The following LRMDA variants were observed in gnomAD, a reference collection of about 807,000 sequenced individuals.
LRMDA encodes leucine rich melanocyte differentiation associated.
In LRMDA, 18 loss-of-function variants were observed where a neutral mutation model predicts 29.8. The observed-to-expected ratio is 0.60, with a 90% CI of 0.42 to 0.90. The LOEUF (loss-of-function observed/expected upper bound fraction) is 0.90, where lower values mean the gene tolerates loss of function less well. Ranked by LOEUF, LRMDA falls within the 40% of genes least tolerant of loss-of-function variation. The pLI is 0.00. For synonymous variants in LRMDA, 125 were observed against 109.4 expected (o/e 1.14, Z -0.89); for missense variants, 273 against 273.9 (o/e 1.00, Z 0.02).
chr10:76,288,407 A>C (rs536523694), intron 5 of LRMDA, among the ~76,000 whole-genome samples: 16 of 152,324 alleles, frequency 1.1e-4, no homozygotes, highest in Admixed American at 1.0e-3. Context: ...TCAACAGTAG[A>C]CTGGATAAAG....
At chr10:76,100,360 G>A (rs1849376791) in intron 5 of LRMDA, among the ~76,000 whole-genome samples, 1 of 152,174 alleles carries the variant, frequency 6.6e-6, no homozygotes, top group Non-Finnish European at 1.5e-5. Flanking sequence ...AGGGGTTCCT[G>A]CTAACAGGCC....
intron 5 of LRMDA, among the ~76,000 whole-genome samples, chr10:76,065,583 A>G (rs1195380952): frequency 6.6e-6 from 1 of 152,220 alleles, no homozygotes. Flanking sequence ...AGATGCTTAG[A>G]TGGATGTATC....
rs199666457 is a variant in LRMDA at position 76,135,771 on chromosome 10, C to CTT, written c.516+77001_516+77002dup. ...CTGTCCTTGTGTTCAAATTTTCTTT[C>CTT]TTTTTTTTTTTTTTAAGGACATCAG... On this transcript the variant is annotated intron_variant, in intron 5 of 6. Coordinates refer to ENST00000611255, the MANE Select transcript of LRMDA (RefSeq NM_001305581.2). Among the ~76,000 whole-genome samples the CTT allele has an allele frequency of 4.0e-3, 562 of 141,784 alleles. 8 individuals carry two copies. Among genetic ancestry groups the CTT allele is most frequent in the East Asian group, 0.027 (130 of 4,816 alleles). 93.0% of individuals were successfully genotyped at this position (141,784 alleles called of 152,430 possible).
intron 2 of LRMDA, among the ~76,000 whole-genome samples, chr10:75,461,354 G>T (rs549331690): frequency 1.3e-5 from 2 of 152,130 alleles, no homozygotes; most frequent in African/African-American, 4.8e-5. Flanking sequence ...TATAGAGAGG[G>T]CTCCTCTTTA....
At chr10:76,308,510 C>T (rs1840588569) in intron 5 of LRMDA, among the ~76,000 whole-genome samples, 1 of 152,050 alleles carries the variant, frequency 6.6e-6, no homozygotes, top group Non-Finnish European at 1.5e-5. Flanking sequence ...CTGCAGTTAC[C>T]CAGTGACTGG....
chr10:75,699,026 C>G (rs1480811280), intron 2 of LRMDA, among the ~76,000 whole-genome samples: 1 of 152,018 alleles, frequency 6.6e-6, no homozygotes, highest in Non-Finnish European at 1.5e-5. Flanking sequence ...CATAGTGAAA[C>G]TCCATCTCTA....
chr10:75,959,083 A>C (rs1049668326), intron 2 of LRMDA, among the ~76,000 whole-genome samples: 2 of 152,172 alleles, frequency 1.3e-5, no homozygotes, highest in African/African-American at 4.8e-5. Flanking sequence ...ACACAGCCAA[A>C]CCATATCAGA....
intron 3 of LRMDA, among the ~76,000 whole-genome samples, chr10:76,038,367 C>T (rs571355142): frequency 6.6e-6 from 1 of 152,314 alleles, no homozygotes; most frequent in South Asian, 2.1e-4. Context: ...TCTGTGCCTC[C>T]ACTTTTCCAA....
At chr10:75,806,011 C>T (rs1207946367) in intron 2 of LRMDA, among the ~76,000 whole-genome samples, 1 of 152,110 alleles carries the variant, frequency 6.6e-6, no homozygotes, top group South Asian at 2.1e-4. Flanking sequence ...TGCTTGGCTT[C>T]TAGCGAGGCC....
intron 2 of LRMDA, among the ~76,000 whole-genome samples, chr10:75,981,771 G>T (rs192015698): frequency 6.6e-6 from 1 of 150,824 alleles, no homozygotes; most frequent in East Asian, 2.0e-4. Context: ...AGAATCACTC[G>T]AACGTGGGAA....
chr10:76,137,840 C>G (rs1227103876), intron 5 of LRMDA, among the ~76,000 whole-genome samples: 1 of 150,636 alleles, frequency 6.6e-6, no homozygotes, highest in Non-Finnish European at 1.5e-5. Flanking sequence ...GGAATCCTGG[C>G]AAGGCTGAAT....
At chr10:76,245,381 T>C (rs867831025) in intron 5 of LRMDA, among the ~76,000 whole-genome samples, 4 of 152,096 alleles carry the variant, frequency 2.6e-5, no homozygotes, top group African/African-American at 9.7e-5. Context: ...GGCCCTGTTA[T>C]AAGGTAGTGG....
rs1331550471 is a variant in LRMDA at position 76,375,672 on chromosome 10, T to C, written c.601+51187T>C. On this transcript the variant is annotated intron_variant, in intron 6 of 6. Transcript: ENST00000611255. The stretch of plus-strand genomic sequence containing the variant: ...AGAGCTAGAAATTAATCCCTACAAG[T>C]CTTAAATCCTGATGTTACTAGTAAG... Among the ~76,000 whole-genome samples the C allele has an allele frequency of 4.0e-5, 6 of 148,830 alleles. No individual in the cohort carries two copies. The Admixed American group carries it at 4.1e-4, about 10-fold the overall frequency.
intron 1 of LRMDA, among the ~76,000 whole-genome samples, chr10:75,434,874 G>C (rs1407949850): frequency 6.6e-6 from 1 of 152,260 alleles, no homozygotes; most frequent in African/African-American, 2.4e-5. Context: ...CTGGGAGCCA[G>C]AGAGTCCCAA....
chr10:75,850,347 T>A (rs1000729357), intron 2 of LRMDA, among the ~76,000 whole-genome samples: 2 of 152,232 alleles, frequency 1.3e-5, no homozygotes, highest in Non-Finnish European at 2.9e-5. Flanking sequence ...AGTCTTTTAT[T>A]TTAGGAGTCT....
intron 2 of LRMDA, among the ~76,000 whole-genome samples, chr10:76,016,487 T>C (rs1847881271): frequency 6.6e-6 from 1 of 152,192 alleles, no homozygotes; most frequent in South Asian, 2.1e-4. Context: ...GGGACTAGAT[T>C]CTTGAAATAC....
At chr10:76,384,736 A>G (rs1188630666) in intron 6 of LRMDA, among the ~76,000 whole-genome samples, 2 of 152,186 alleles carry the variant, frequency 1.3e-5, no homozygotes, top group Non-Finnish European at 2.9e-5. Flanking sequence ...AGAGCTTTGT[A>G]CTGATGATGA....
rs79092610 is a variant in LRMDA, at chr10:75,965,646, T to G, written c.132-70362T>G. On this transcript the variant is annotated intron_variant, in intron 2 of 6. Transcript: ENST00000611255. ...TGGGCTCTGTGGTGCTGTTATGGCT[T>G]GGCCCGGCTCAGTTTCCTTTCTCTT... Among the ~76,000 whole-genome samples the G allele has an allele frequency of 8.2e-3, 1,242 of 152,338 alleles. 10 individuals carry two copies. Among genetic ancestry groups the G allele is most frequent in the Middle Eastern group, 0.014 (4 of 294 alleles).
At chr10:75,932,319 G>T (rs1846217986) in intron 2 of LRMDA, among the ~76,000 whole-genome samples, 1 of 152,138 alleles carries the variant, frequency 6.6e-6, no homozygotes, top group Admixed American at 6.6e-5. Context: ...TTCCAATTGG[G>T]TATAATAGAG....
Sources: gnomAD v4.1 joint callset for allele counts (sites outside exome capture counted in the v4.1 genomes callset) on GRCh38, gnomAD v4.1.1 for gene constraint, MANE v1.5 for transcripts, NCBI Gene and HGNC (gene_info 2026-07-23, HGNC 2026-07-21) for gene names.